SETX: variants seen among roughly 807,000 people sequenced by gnomAD.
SETX encodes the protein senataxin.
In SETX, 90 loss-of-function variants were observed where a neutral mutation model predicts 227.2. That is an observed-to-expected ratio of 0.40 (90% CI 0.33 to 0.47). SETX has a LOEUF of 0.47. Among genes scored for constraint, SETX ranks in the 20% least tolerant of loss-of-function variants. The pLI, the probability that SETX is intolerant of heterozygous loss-of-function variation, is 0.91. For synonymous variants in SETX, 1,210 were observed against 1,113.2 expected (o/e 1.09, Z -1.73); for missense variants, 3,052 against 3,181.5 (o/e 0.96, Z 0.98).
intron 10 of SETX, among the ~76,000 whole-genome samples, chr9:132,312,739 C>T (rs1244468593): frequency 8.5e-5 from 13 of 152,276 alleles, no homozygotes. Flanking sequence ...TTGTATCACC[C>T]AGAATACCCT....
rs115107300 is a variant in SETX at position 132,288,041 on chromosome 9, C to T, written c.6324+195G>A. ...AATACAGAAAATTAGCCAGGTGTGC[C>T]GGCACAACCTTGTAATCCCACCTAC... On this transcript the variant is annotated intron_variant, in intron 17 of 25. Transcript: ENST00000224140. Among the ~76,000 whole-genome samples, 2,147 of 152,022 alleles carry T rather than the reference C, an allele frequency of 0.014. 54 individuals are homozygous for T. Among genetic ancestry groups the T allele is most frequent in the African/African-American group, 0.05 (2,053 of 41,468 alleles).
At chr9:132,325,476 C>A (rs1430110964) in intron 10 of SETX, among the ~76,000 whole-genome samples, 1 of 152,250 alleles carries the variant, frequency 6.6e-6, no homozygotes, top group African/African-American at 2.4e-5. Flanking sequence ...AAGAAAACTA[C>A]AGCAGAGGTC....
At chr9:132,336,749 T>C (rs1300579024) in intron 5 of SETX, among the ~76,000 whole-genome samples, 1 of 152,254 alleles carries the variant, frequency 6.6e-6, no homozygotes, top group African/African-American at 2.4e-5. Flanking sequence ...CATTAAGTAA[T>C]TATTCTTTTA....
At chr9:132,274,814 A>G (rs1448114310) in intron 23 of SETX, 2 of 169,528 alleles carry the variant, frequency 1.2e-5, no homozygotes, top group African/African-American at 4.8e-5. Context: ...AGTTAAGATG[A>G]TTTTAAGGTT....
At chr9:132,345,368 G>A (rs1848224198) in intron 4 of SETX, among the ~76,000 whole-genome samples, 1 of 152,230 alleles carries the variant, frequency 6.6e-6, no homozygotes, top group Non-Finnish European at 1.5e-5. Context: ...CCGCCTTCCA[G>A]GTTCAAGTGA....
At chr9:132,316,121 A>G (rs1172821383) in intron 10 of SETX, among the ~76,000 whole-genome samples, 1 of 152,062 alleles carries the variant, frequency 6.6e-6, no homozygotes. Flanking sequence ...CCTCATAGAC[A>G]GGCGTGTATA....
At chr9:132,324,103 A>G (rs777455282) in intron 10 of SETX, among the ~76,000 whole-genome samples, 1 of 152,180 alleles carries the variant, frequency 6.6e-6, no homozygotes, top group Non-Finnish European at 1.5e-5. Flanking sequence ...GAGACTACAA[A>G]AATGTCCTGA....
At chr9:132,341,044 C>T (rs1220855274) in intron 5 of SETX, among the ~76,000 whole-genome samples, 2 of 152,030 alleles carry the variant, frequency 1.3e-5, no homozygotes, top group Non-Finnish European at 2.9e-5. Flanking sequence ...CCCACATTCA[C>T]CTTTCAAAAC....
In SETX at chr9:132,329,260, T is replaced by G. The variant is rs1481664998; in HGVS notation, c.2338A>C (p.Thr780Pro). ...CAGATTTCATCTTTCTGTACCTTAG[T>G]TTTTCGTTTTGAGGTTTTAGCAAGA... The part of the protein sequence containing the change: ...DALAKTSKRK[T>P]KVQKDEICAK... The change falls in exon 10 of 26, where the codon ACT (threonine) becomes CCT (proline). Residue 780 changes from threonine to proline, a missense_variant. Thr to Pro is a conservative substitution (Grantham distance 38, BLOSUM62 -1). Around this residue, in one of 10 missense-constraint regions of SETX, gnomAD observed 1,483 missense variants for 1,312.0 expected, o/e 1.13. Transcript: ENST00000224140. 1 of 1,613,780 alleles carries G rather than the reference T, an allele frequency of 6.2e-7. No homozygotes were observed. The highest frequency in any genetic ancestry group is 1.3e-5 in the African/African-American group (1 of 74,902).
intron 15 of SETX, among the ~76,000 whole-genome samples, chr9:132,295,522 C>T (rs933419078): frequency 3.9e-5 from 6 of 152,214 alleles, no homozygotes; most frequent in Non-Finnish European, 8.8e-5. Context: ...TGGCTAACTC[C>T]TAACTGCCCT....
rs1214935314 is a variant in SETX, at chr9:132,333,458, C to CACACAT, written c.838+1149_838+1150insATGTGT. 9.4e-3 allele frequency among the ~76,000 whole-genome samples: 1,044 copies of CACACAT among 111,168 alleles called. 68 individuals carry two copies. Among genetic ancestry groups the CACACAT allele is most frequent in the African/African-American group, 0.021 (553 of 26,084 alleles). The allele number at this position is 111,168 out of a possible 152,430, so 72.9% of individuals were successfully genotyped here. ...ACACACACACACACACACACACACA[C>CACACAT]GCCCTATCAACAAAAGAATAACATT... On this transcript the variant is annotated intron_variant, in intron 7 of 25. Transcript: ENST00000224140.
intron 18 of SETX, among the ~76,000 whole-genome samples, 186 bp downstream of exon 18, chr9:132,286,237 A>G (rs1241413657): frequency 6.6e-6 from 1 of 150,762 alleles, no homozygotes; most frequent in Non-Finnish European, 1.5e-5. Flanking sequence ...CTGTAATCCC[A>G]GCCACATGGG....
chr9:132,326,392 T>G lies in SETX; in HGVS notation c.5206A>C (p.Arg1736=). 4 of 1,614,148 alleles carry G rather than the reference T, an allele frequency of 2.5e-6. No homozygotes were observed. Among genetic ancestry groups the G allele is most frequent in the Non-Finnish European group, 3.4e-6 (4 of 1,179,982 alleles). ...CQSISRPVPV[R]FHNYGDYFNV... is the part of the protein sequence containing the mutation. Reference sequence around the variant, plus strand: ...AAATAATCTCCATAATTGTGAAATCTGACAGGCACAGGTCTTGAGATGGAC... The same window carrying G: ...AAATAATCTCCATAATTGTGAAATCGGACAGGCACAGGTCTTGAGATGGAC... The change falls in exon 10 of 26, where the codon AGA becomes CGA. Residue 1736 remains arginine (R), a synonymous_variant. Coordinates refer to ENST00000224140, the MANE Select transcript of SETX (RefSeq NM_015046.7).
chr9:132,286,348 T>A (rs1843888421), intron 18 of SETX, 75 bp downstream of exon 18: 1 of 1,057,510 alleles, frequency 9.5e-7, no homozygotes, highest in African/African-American at 1.6e-5. Flanking sequence ...GCCCATAGCT[T>A]GTCTGAACAG....
intron 15 of SETX, among the ~76,000 whole-genome samples, chr9:132,292,433 A>G (rs918101238): frequency 2.4e-4 from 35 of 147,846 alleles, no homozygotes; most frequent in Middle Eastern, 3.4e-3. Context: ...AAAAAAAAAA[A>G]AAAAGAAAAC....
chr9:132,332,304 C>T (rs947281696), intron 7 of SETX, among the ~76,000 whole-genome samples: 1 of 152,176 alleles, frequency 6.6e-6, no homozygotes, highest in Admixed American at 6.5e-5. Flanking sequence ...TCTAGCACAA[C>T]ATATCAAAAT....
At position 132,330,500 on chromosome 9, in the gene SETX, C is replaced by T. The variant is rs758727738; in HGVS notation, c.1099-1G>A. On this transcript the variant is annotated splice_acceptor_variant, in intron 9 of 25. Coordinates refer to ENST00000224140, the MANE Select transcript of SETX (RefSeq NM_015046.7). LOFTEE classifies it high-confidence loss of function. ...AAATGGCTGTTCTCCATCCAGAATC[C>T]TAAAATGAAAGAAATGCTGATGTTC... The T allele has an allele frequency of 1.9e-6, 3 of 1,611,224 alleles. No individual in the cohort carries two copies. The highest frequency in any genetic ancestry group is 1.7e-4 in the Middle Eastern group (1 of 6,060).
chr9:132,276,598 C>T (rs1843175788), intron 22 of SETX, among the ~76,000 whole-genome samples: 1 of 152,188 alleles, frequency 6.6e-6, no homozygotes, highest in South Asian at 2.1e-4. Context: ...CTAGCAACAC[C>T]ACTCCTCTTT....
At chr9:132,272,048 A>G (rs1842930619) in intron 23 of SETX, among the ~76,000 whole-genome samples, 1 of 151,832 alleles carries the variant, frequency 6.6e-6, no homozygotes, top group Admixed American at 6.6e-5. Flanking sequence ...ATGCCCAGCT[A>G]ATTTTTTGTA....
Sources: gnomAD v4.1 joint callset for allele counts (sites outside exome capture counted in the v4.1 genomes callset) on GRCh38, gnomAD v4.1.1 for gene constraint, gnomAD v4.1.1 regional missense constraint, MANE v1.5 for transcripts, NCBI Gene and HGNC (gene_info 2026-07-23, HGNC 2026-07-21) for gene names.